Variants in ITGB5 observed in about 807,000 individuals in gnomAD.
ITGB5 encodes the protein integrin beta-5.
Under a neutral mutation model 84.8 loss-of-function variants are expected in ITGB5, and 38 were observed. The ratio of observed to expected loss-of-function variants is 0.45; its 90% CI spans 0.35 to 0.59. ITGB5 has a LOEUF of 0.59. Ranked by LOEUF, ITGB5 falls within the 20% of genes least tolerant of loss-of-function variation. The pLI is 0.01. For missense variants in ITGB5, 905 were observed against 1,034.5 expected (o/e 0.87, Z 1.72); for synonymous variants, 393 against 414.4 (o/e 0.95, Z 0.63).
intron 12 of ITGB5, among the ~76,000 whole-genome samples, chr3:124,767,606 C>T (rs1411187606): frequency 1.3e-5 from 2 of 152,170 alleles, no homozygotes; most frequent in Non-Finnish European, 2.9e-5. Context: ...GGTCTGCTGG[C>T]AGAACCTGAG....
At chr3:124,885,246 G>A (rs1934752019) in intron 1 of ITGB5, among the ~76,000 whole-genome samples, 1 of 152,004 alleles carries the variant, frequency 6.6e-6, no homozygotes, top group East Asian at 1.9e-4. Context: ...CTCCAGCCTG[G>A]GCTACAAGAC....
At chr3:124,896,834 G>C (rs1401717927) in intron 1 of ITGB5, among the ~76,000 whole-genome samples, 1 of 150,406 alleles carries the variant, frequency 6.6e-6, no homozygotes, top group African/African-American at 2.5e-5. Flanking sequence ...GCTGAGGTGA[G>C]AGGATCACCT....
chr3:124,812,031 T>A (rs2064511741), intron 8 of ITGB5, among the ~76,000 whole-genome samples: 1 of 152,178 alleles, frequency 6.6e-6, no homozygotes, highest in Non-Finnish European at 1.5e-5. Flanking sequence ...AAAGAGATCA[T>A]CAGGTTGTAT....
Position 124,769,138 on chromosome 3 carries a change from G to A in ITGB5, c.1917-25C>T, listed in dbSNP as rs1553752761. 3 of 1,596,156 alleles carry A rather than the reference G, an allele frequency of 1.9e-6. No individual in the cohort carries two copies. The South Asian group carries it at 3.3e-5, about 18-fold the overall frequency. On this transcript the variant is annotated intron_variant, in intron 11 of 14. Coordinates refer to ENST00000296181, the MANE Select transcript of ITGB5 (RefSeq NM_002213.5). The stretch of plus-strand genomic sequence containing the variant: ...TCTTTGGAAAAGAGGAGATAAAGGT[G>A]GGTGTCAGATAATGTAGAACAGTCC...
intron 1 of ITGB5, 38 bp downstream of exon 1, chr3:124,886,893 A>G: frequency 6.7e-6 from 8 of 1,192,178 alleles, no homozygotes; most frequent in Non-Finnish European, 8.3e-6. Flanking sequence ...TGAGTGTGCG[A>G]CAAAGTTTCT....
chr3:124,891,965 G>C (rs114586497), upstream of ITGB5, among the ~76,000 whole-genome samples: 338 of 151,936 alleles, frequency 2.2e-3, 2 homozygotes, highest in African/African-American at 7.9e-3. Context: ...GGAAAAGAGG[G>C]AGGGAGTGAG....
intron 1 of ITGB5, among the ~76,000 whole-genome samples, chr3:124,877,617 TGA>T (rs1215590507): frequency 6.6e-6 from 1 of 152,068 alleles, no homozygotes; most frequent in Non-Finnish European, 1.5e-5. Context: ...TGTAAGATAA[TGA>T]GAGTATGTGA....
intron 10 of ITGB5, among the ~76,000 whole-genome samples, chr3:124,776,884 C>T (rs909089171): frequency 6.6e-6 from 1 of 151,158 alleles, no homozygotes; most frequent in Non-Finnish European, 1.5e-5. Context: ...TGCTGAAGGG[C>T]CTGGGCTTGG....
intron 10 of ITGB5, among the ~76,000 whole-genome samples, chr3:124,794,270 G>T (rs1407288101): frequency 2.0e-5 from 3 of 152,138 alleles, no homozygotes; most frequent in Non-Finnish European, 4.4e-5. Flanking sequence ...TAATCAGAAC[G>T]CAATACCAGA....
chr3:124,897,783 G>A (rs1231739361), intron 1 of ITGB5, among the ~76,000 whole-genome samples: 2 of 152,164 alleles, frequency 1.3e-5, no homozygotes, highest in South Asian at 4.1e-4. Context: ...TTTATGCTGG[G>A]TCTCAAAGGA....
At chr3:124,775,814 A>T (rs952138408) in intron 10 of ITGB5, among the ~76,000 whole-genome samples, 2 of 152,190 alleles carry the variant, frequency 1.3e-5, no homozygotes, top group African/African-American at 4.8e-5. Flanking sequence ...AACTCCAGAA[A>T]GCCTCTTCAC....
At chr3:124,899,818 C>T (rs997265331) in intron 1 of ITGB5, among the ~76,000 whole-genome samples, 1 of 122,780 alleles carries the variant, frequency 8.1e-6, no homozygotes, top group African/African-American at 3.0e-5. Context: ...CATGCCACTG[C>T]ACTCCAGCCT....
intron 1 of ITGB5, among the ~76,000 whole-genome samples, chr3:124,879,339 A>T (rs541556905): frequency 1.3e-5 from 2 of 152,364 alleles, no homozygotes; most frequent in East Asian, 3.9e-4. Context: ...CAGTAGGATA[A>T]CAGAAGTGAA....
intron 4 of ITGB5, among the ~76,000 whole-genome samples, chr3:124,842,653 G>A (rs529696365): frequency 1.3e-5 from 2 of 152,290 alleles, no homozygotes; most frequent in Non-Finnish European, 2.9e-5. Context: ...TAAGGAAGTC[G>A]CTCTTTCAGG....
intron 5 of ITGB5, among the ~76,000 whole-genome samples, chr3:124,838,726 C>T (rs887908370): frequency 2.0e-5 from 3 of 152,060 alleles, no homozygotes; most frequent in African/African-American, 2.4e-5. Context: ...CTCAGCCTCC[C>T]GAGTAGCTGG....
intron 2 of ITGB5, among the ~76,000 whole-genome samples, chr3:124,865,481 C>T (rs112887555): frequency 0.016 from 1,493 of 93,196 alleles, 64 homozygotes; most frequent in South Asian, 0.026. Flanking sequence ...CGGCTTTTTT[C>T]TTTTTTTTTT....
At chr3:124,851,645 A>ACACG (rs1553764726) in intron 3 of ITGB5, among the ~76,000 whole-genome samples, 3 of 148,534 alleles carry the variant, frequency 2.0e-5, no homozygotes, top group African/African-American at 4.9e-5. Flanking sequence ...ACACACACGC[A>ACACG]CACATCCCTT....
intron 3 of ITGB5, among the ~76,000 whole-genome samples, chr3:124,851,627 A>ACG (rs918669826): frequency 6.6e-6 from 1 of 151,318 alleles, no homozygotes; most frequent in Non-Finnish European, 1.5e-5. Flanking sequence ...ACACACACAC[A>ACG]CACACACACA....
intron 6 of ITGB5, among the ~76,000 whole-genome samples, chr3:124,820,389 G>A (rs780690754): frequency 3.3e-5 from 5 of 152,254 alleles, no homozygotes; most frequent in Non-Finnish European, 7.3e-5. Flanking sequence ...TGGGGCAGGG[G>A]TGCAGAAAGA....
Sources: gnomAD v4.1 joint callset for allele counts (sites outside exome capture counted in the v4.1 genomes callset) on GRCh38, gnomAD v4.1.1 for gene constraint, MANE v1.5 for transcripts, NCBI Gene and HGNC (gene_info 2026-07-23, HGNC 2026-07-21) for gene names.